UBE4B: variants seen among roughly 807,000 people sequenced by gnomAD.
UBE4B encodes ubiquitination factor E4B, also known as ubiquitin conjugation factor E4 B.
UBE4B carries 27 observed loss-of-function variants against 148.1 expected under a neutral mutation model. That is an observed-to-expected ratio of 0.18 (90% CI 0.13 to 0.25). The LOEUF (loss-of-function observed/expected upper bound fraction) is 0.25, where lower values mean the gene tolerates loss of function less well. UBE4B is among the 10% of genes least tolerant of loss of function. The probability of loss-of-function intolerance (pLI) is 1.00; values close to 1 mark genes in which losing one functional copy is unlikely to be tolerated. For missense variants in UBE4B, 1,170 were observed against 1,662.4 expected (o/e 0.70, Z 5.15); for synonymous variants, 596 against 619.3 (o/e 0.96, Z 0.56).
chr1:10,102,803 T>C (rs975015064), intron 4 of UBE4B, 145 bp from the exon 5 acceptor site: 3 of 800,894 alleles, frequency 3.7e-6, no homozygotes, highest in East Asian at 2.7e-5. Context: ...GGCTTACTTT[T>C]CCCCTAATCA....
At chr1:10,062,904 C>T (rs1002867396) in intron 1 of UBE4B, among the ~76,000 whole-genome samples, 19 of 141,230 alleles carry the variant, frequency 1.3e-4, no homozygotes, top group African/African-American at 4.0e-4. Flanking sequence ...TGCAGTGATC[C>T]GAGATTGCAC....
chr1:10,040,679 G>A lies in UBE4B; in HGVS notation c.24+6985G>A, dbSNP rs544075044. ...GTTGCCCAGGCTGGAGTGCAATGGCGCGATCTCAGCTCGCTGCAACCTCTG... is the reference window on the plus strand; with the variant it reads ...GTTGCCCAGGCTGGAGTGCAATGGCACGATCTCAGCTCGCTGCAACCTCTG... On this transcript the variant is annotated intron_variant, in intron 1 of 27. Coordinates refer to ENST00000343090, the MANE Select transcript of UBE4B (RefSeq NM_001105562.3). Among the ~76,000 whole-genome samples, 4 of 150,846 alleles carry A rather than the reference G, an allele frequency of 2.7e-5. No individual in the cohort carries two copies. The East Asian group carries it at 5.9e-4, about 22-fold the overall frequency.
intron 26 of UBE4B, 199 bp downstream of exon 26, chr1:10,179,017 GACTTAA>G (rs1337437820): frequency 3.5e-6 from 2 of 573,926 alleles, no homozygotes; most frequent in Admixed American, 7.6e-5. Context: ...AGCTTAGCCT[GACTTAA>G]AGCCAGATAA....
At chr1:10,074,879 C>T (rs959707442) in intron 2 of UBE4B, among the ~76,000 whole-genome samples, 2 of 152,182 alleles carry the variant, frequency 1.3e-5, no homozygotes, top group Non-Finnish European at 1.5e-5. Context: ...GATTCCTAAG[C>T]TTTTATCTCC....
intron 17 of UBE4B, among the ~76,000 whole-genome samples, chr1:10,140,906 T>C (rs1645772558): frequency 6.6e-6 from 1 of 152,204 alleles, no homozygotes; most frequent in African/African-American, 2.4e-5. Context: ...CAACTCAGCT[T>C]CATTCAGTAT....
chr1:10,088,798 C>A (rs890471496), intron 2 of UBE4B, among the ~76,000 whole-genome samples: 2 of 152,064 alleles, frequency 1.3e-5, no homozygotes, highest in African/African-American at 4.8e-5. Flanking sequence ...CCTACCTCAG[C>A]CTCCTGAGTA....
intron 3 of UBE4B, 137 bp from the exon 4 acceptor site, chr1:10,100,971 T>A: frequency 1.4e-6 from 1 of 692,606 alleles, no homozygotes; most frequent in Non-Finnish European, 2.4e-6. Flanking sequence ...TAAAAATTAA[T>A]AAGAAAAAAG....
At chr1:10,158,332 A>AGTACCT in intron 21 of UBE4B, 24 bp from the exon 22 acceptor site, 1 of 1,613,384 alleles carries the variant, frequency 6.2e-7, no homozygotes, top group Non-Finnish European at 8.5e-7. Context: ...CATATCCCTC[A>AGTACCT]GTACCTTTGT....
Position 10,033,467 on chromosome 1 carries a change from T to C in UBE4B, c.-204T>C. On this transcript the variant is annotated 5_prime_UTR_variant, in exon 1 of 28. Coordinates refer to ENST00000343090, the MANE Select transcript of UBE4B (RefSeq NM_001105562.3). ...GGGAACAAGCGGCTGTAGTAGTCTG[T>C]GGGGCGACTGGAGTGACCGAAGCCA... The C allele has an allele frequency of 2.3e-6, 1 of 439,596 alleles. No individual in the cohort carries two copies. The highest frequency in any genetic ancestry group is 3.9e-6 in the Non-Finnish European group (1 of 254,764). 27.2% of individuals were successfully genotyped at this position (439,596 alleles called of 1,614,324 possible).
chr1:10,081,147 C>T (rs1279844520), intron 2 of UBE4B, among the ~76,000 whole-genome samples: 1 of 152,196 alleles, frequency 6.6e-6, no homozygotes, highest in Non-Finnish European at 1.5e-5. Context: ...ACCGCAACCT[C>T]TACCTCCTGG....
intron 3 of UBE4B, among the ~76,000 whole-genome samples, chr1:10,097,721 A>G (rs1235422777): frequency 6.6e-6 from 1 of 151,926 alleles, no homozygotes; most frequent in African/African-American, 2.4e-5. Context: ...GAGGCAGGAG[A>G]GTCGCTTGAA....
chr1:10,065,875 A>G (rs1186582373), intron 1 of UBE4B, among the ~76,000 whole-genome samples: 1 of 152,206 alleles, frequency 6.6e-6, no homozygotes, highest in African/African-American at 2.4e-5. Context: ...CATCCTTTTA[A>G]AAAATAAATG....
chr1:10,109,809 C>T (rs1156267944), intron 7 of UBE4B, among the ~76,000 whole-genome samples: 1 of 152,122 alleles, frequency 6.6e-6, no homozygotes, highest in Non-Finnish European at 1.5e-5. Context: ...TGCCACCACA[C>T]CTGGCTAATT....
intron 21 of UBE4B, 108 bp downstream of exon 21, chr1:10,151,669 T>C: frequency 2.1e-6 from 2 of 935,256 alleles, no homozygotes; most frequent in Non-Finnish European, 3.3e-6. Flanking sequence ...TCCTGCTACC[T>C]GTGTGTATAG....
chr1:10,137,168 T>C lies in UBE4B; in HGVS notation c.2326T>C (p.Tyr776His), dbSNP rs1645701013. The C allele has an allele frequency of 6.2e-7, 1 of 1,614,180 alleles. No individual in the cohort carries two copies. The highest frequency in any genetic ancestry group is 1.1e-5 in the South Asian group (1 of 91,080). Residue 776 changes from tyrosine to histidine, a missense_variant, in exon 17 of 28, where the codon TAT (tyrosine) becomes CAT (histidine). Coordinates refer to ENST00000343090, the MANE Select transcript of UBE4B (RefSeq NM_001105562.3). Reference sequence around the variant, plus strand: ...CTCTATTCTGCCTAGTTGCCGTCGCTATATCCGCAGACTCCGGGCTATCCG... The same window carrying C: ...CTCTATTCTGCCTAGTTGCCGTCGCCATATCCGCAGACTCCGGGCTATCCG... ...HLSILPSCRR[Y>H]IRRLRAIREL...
rs1163695672 is a variant in UBE4B, at chr1:10,117,515, T to C, written c.1253T>C (p.Ile418Thr). 2.5e-6 allele frequency: 4 copies of C among 1,612,860 alleles called. No homozygotes were observed. The highest frequency in any genetic ancestry group is 2.2e-5 in the East Asian group (1 of 44,856). Residue 418 changes from isoleucine (I) to threonine (T), a missense_variant, in exon 8 of 28, where the codon ATT (isoleucine) becomes ACT (threonine). Ile to Thr is a moderately conservative substitution (Grantham distance 89, BLOSUM62 -1). Around this residue, in one of 6 missense-constraint regions of UBE4B, gnomAD observed 388 missense variants for 536.0 expected, o/e 0.72. Transcript: ENST00000343090. The part of the protein sequence containing the change: ...NWDSYSDHFT[I>T]ETCKETDMLN... ...GATTCCTACAGTGACCATTTCACCA[T>C]TGAAACCTGCAAAGAGACAGATATG... is the stretch of plus-strand genomic sequence containing the variant.
intron 23 of UBE4B, among the ~76,000 whole-genome samples, chr1:10,165,057 C>T (rs1489685499): frequency 6.6e-6 from 1 of 152,102 alleles, no homozygotes; most frequent in Non-Finnish European, 1.5e-5. Context: ...CTCAGGTATA[C>T]CAAGGCATTA....
intron 3 of UBE4B, among the ~76,000 whole-genome samples, chr1:10,096,425 C>A (rs932337480): frequency 6.6e-6 from 1 of 151,996 alleles, no homozygotes; most frequent in Non-Finnish European, 1.5e-5. Context: ...TGTCAGTGGG[C>A]TAAACAGATG....
rs937452638 is a variant in UBE4B at position 10,168,082 on chromosome 1, C to T, written c.3199-54C>T. On this transcript the variant is annotated intron_variant, in intron 23 of 27. Coordinates refer to ENST00000343090, the MANE Select transcript of UBE4B (RefSeq NM_001105562.3). This position sits in a 1 kb window ranked among gnomAD's most constrained non-coding sequence, Gnocchi z 4.9. ...TTCCAGTTATGTGCTTGGCGCTTTG[C>T]TGAGCTGATGACCAGGACCGAGCCT... The T allele has an allele frequency of 1.3e-6, 2 of 1,570,058 alleles. No individual in the cohort carries two copies. Among genetic ancestry groups the T allele is most frequent in the South Asian group, 2.3e-5 (2 of 86,794 alleles).
Sources: allele counts gnomAD v4.1 joint callset (sites outside exome capture counted in the v4.1 genomes callset), GRCh38; gene constraint gnomAD v4.1.1; regional missense constraint gnomAD v4.1.1; non-coding constraint Gnocchi (gnomAD v3.1); transcripts MANE v1.5; gene names NCBI Gene and HGNC (gene_info 2026-07-23, HGNC 2026-07-21).